Variants in TBC1D32 observed in about 807,000 individuals in gnomAD.
The protein encoded by TBC1D32 is protein broad-minded.
A neutral mutation model predicts 170.3 loss-of-function variants in TBC1D32; 151 were observed. The observed-to-expected ratio is 0.89, with a 90% CI of 0.78 to 1.01. The LOEUF (loss-of-function observed/expected upper bound fraction) is 1.01. Among genes scored for constraint, TBC1D32 ranks in the 50% least tolerant of loss-of-function variants. The pLI, the probability that TBC1D32 is intolerant of heterozygous loss-of-function variation, is 0.00. For missense variants in TBC1D32, 1,464 were observed against 1,457.1 expected (o/e 1.00, Z -0.08); for synonymous variants, 498 against 488.0 (o/e 1.02, Z -0.27).
intron 20 of TBC1D32, among the ~76,000 whole-genome samples, chr6:121,226,343 ATG>A (rs1259841645): frequency 2.8e-4 from 43 of 152,262 alleles, no homozygotes; most frequent in Admixed American, 1.8e-3. Flanking sequence ...CTCTTCAGCA[ATG>A]TAGGGAGAGG....
At chr6:121,180,941 T>A (rs1562796224) in intron 22 of TBC1D32, among the ~76,000 whole-genome samples, 1 of 151,900 alleles carries the variant, frequency 6.6e-6, no homozygotes, top group South Asian at 2.1e-4. Flanking sequence ...TATAAACAGG[T>A]ATTTCTCAAA....
At chr6:121,115,111 A>G (rs577988088) in intron 27 of TBC1D32, 61 bp downstream of exon 27, 2 of 1,316,496 alleles carry the variant, frequency 1.5e-6, no homozygotes, top group African/African-American at 1.5e-5. Flanking sequence ...TACTGAGCAC[A>G]TATGAGGCAG....
intron 17 of TBC1D32, among the ~76,000 whole-genome samples, chr6:121,247,695 C>CAAAAAAAAAAAAAAAAAAAAAAAAAA (rs34914027): frequency 8.6e-5 from 4 of 46,570 alleles, no homozygotes; most frequent in East Asian, 1.5e-3. Context: ...GGCTTTAAAG[C>CAAAAAAAAAAAAAAAAAAAAAAAAAA]AAAAAAAAAA....
intron 4 of TBC1D32, 116 bp downstream of exon 4, chr6:121,310,663 C>T (rs1277937209): frequency 1.4e-6 from 1 of 699,454 alleles, no homozygotes; most frequent in Non-Finnish European, 2.5e-6. Context: ...CCAGGATTGC[C>T]CATAATCATA....
chr6:121,191,778 A>G (rs1790077670), intron 22 of TBC1D32, among the ~76,000 whole-genome samples: 1 of 152,192 alleles, frequency 6.6e-6, no homozygotes, highest in African/African-American at 2.4e-5. Flanking sequence ...GATGGAGATG[A>G]ACATTTGAGT....
At chr6:121,085,196 T>TACATATATATAC (rs201256572) in intron 31 of TBC1D32, among the ~76,000 whole-genome samples, 14 of 148,248 alleles carry the variant, frequency 9.4e-5, no homozygotes, top group African/African-American at 3.2e-4. Flanking sequence ...TGTTGTGTCT[T>TACATATATATAC]ACATATATAT....
intron 22 of TBC1D32, among the ~76,000 whole-genome samples, chr6:121,196,044 T>C (rs1308147643): frequency 6.6e-6 from 1 of 152,188 alleles, no homozygotes; most frequent in African/African-American, 2.4e-5. Context: ...TGGATGGACC[T>C]CTTTGAGTGG....
chr6:121,080,628 C>T lies in TBC1D32; in HGVS notation c.*143G>A. 1.8e-6 allele frequency: 2 copies of T among 1,094,102 alleles called. No individual in the cohort carries two copies. The highest frequency in any genetic ancestry group is 4.1e-5 in the South Asian group (2 of 48,698). 67.8% of individuals were successfully genotyped at this position (1,094,102 alleles called of 1,614,324 possible). A position where few individuals can be genotyped will look rare whatever the true frequency, so the allele number is the denominator to read the frequency against. Reference sequence around the variant, plus strand: ...AATTCACAAATTGAGCTCATACCTACTTAAATATATCGTTATACTTCTCAG... The same window carrying T: ...AATTCACAAATTGAGCTCATACCTATTTAAATATATCGTTATACTTCTCAG... On this transcript the variant is annotated 3_prime_UTR_variant, in exon 32 of 32. Coordinates refer to ENST00000398212, the MANE Select transcript of TBC1D32 (RefSeq NM_152730.6).
intron 22 of TBC1D32, chr6:121,162,892 G>A (rs1410154881): frequency 2.7e-5 from 3 of 109,784 alleles, no homozygotes; most frequent in African/African-American, 6.0e-5. Context: ...GAAGCAGGGC[G>A]AGGCATTGCC....
At chr6:121,268,749 A>G (rs1167516036) in intron 15 of TBC1D32, among the ~76,000 whole-genome samples, 1 of 152,164 alleles carries the variant, frequency 6.6e-6, no homozygotes, top group African/African-American at 2.4e-5. Flanking sequence ...CAAATTCAGG[A>G]AGTACAGAGA....
intron 22 of TBC1D32, among the ~76,000 whole-genome samples, chr6:121,198,530 T>C (rs1004293015): frequency 9.3e-5 from 14 of 150,476 alleles, no homozygotes; most frequent in African/African-American, 3.2e-4. Context: ...GATGGATGGA[T>C]CACGAGCTCA....
chr6:121,331,136 C>G (rs4584021), intron 1 of TBC1D32, among the ~76,000 whole-genome samples: 134,320 of 152,258 alleles, frequency 0.88, 60,338 homozygotes, highest in South Asian at 0.98. Flanking sequence ...GTCTTAAAAA[C>G]CATCTTCTTA....
intron 30 of TBC1D32, among the ~76,000 whole-genome samples, chr6:121,102,815 A>G (rs1210635283): frequency 1.3e-5 from 2 of 152,108 alleles, no homozygotes; most frequent in Middle Eastern, 3.4e-3. Flanking sequence ...CTACAGAATG[A>G]GAGAAAATTT....
intron 24 of TBC1D32, among the ~76,000 whole-genome samples, chr6:121,151,508 C>G (rs1784203605): frequency 6.6e-6 from 1 of 152,148 alleles, no homozygotes; most frequent in South Asian, 2.1e-4. Context: ...CTGTAGATGT[C>G]TATTAGATCT....
chr6:121,120,237 T>C (rs1780117211), intron 26 of TBC1D32, among the ~76,000 whole-genome samples: 1 of 152,074 alleles, frequency 6.6e-6, no homozygotes, highest in Non-Finnish European at 1.5e-5. Context: ...AAATCCGCAT[T>C]CAGGGTTTAT....
In TBC1D32 at chr6:121,308,096, T is replaced by C. The variant is rs571743350; in HGVS notation, c.570A>G (p.Arg190=). Reference sequence around the variant, plus strand: ...AACATAATGTTTGCAAGGCTTCATATCTCACCTACAATTTTTTTAAAAGAC... The same window carrying C: ...AACATAATGTTTGCAAGGCTTCATACCTCACCTACAATTTTTTTAAAAGAC... ...QLDPGQPKEV[R]YEALQTLCSA... is the part of the protein sequence containing the mutation. Residue 190 remains arginine, a synonymous_variant, in exon 5 of 32, where the codon AGA becomes AGG. Transcript: ENST00000398212. 48 of 1,609,590 alleles carry C rather than the reference T, an allele frequency of 3.0e-5. No homozygotes were observed. Among genetic ancestry groups the C allele is most frequent in the Admixed American group, 1.2e-4 (7 of 58,776 alleles).
intron 24 of TBC1D32, among the ~76,000 whole-genome samples, chr6:121,139,085 G>A (rs1303603953): frequency 2.0e-5 from 3 of 151,884 alleles, no homozygotes; most frequent in Non-Finnish European, 4.4e-5. Flanking sequence ...TGACCTTGTG[G>A]TCCGCCCGCC....
intron 22 of TBC1D32, among the ~76,000 whole-genome samples, chr6:121,203,561 C>G (rs1791870158): frequency 6.6e-6 from 1 of 151,370 alleles, no homozygotes; most frequent in South Asian, 2.1e-4. Context: ...ATTAATACTA[C>G]TGTTTTTACA....
rs1376543603 is a variant in TBC1D32, at chr6:121,080,741, A to C, written c.*30T>G. 2.5e-6 allele frequency: 4 copies of C among 1,590,262 alleles called. No individual in the cohort carries two copies. Among genetic ancestry groups the C allele is most frequent in the Non-Finnish European group, 3.4e-6 (4 of 1,171,004 alleles). On this transcript the variant is annotated 3_prime_UTR_variant, in exon 32 of 32. Transcript: ENST00000398212. ...CCCTGCTGTGTTTAAAAATAAATAA[A>C]ACCTAAATTTAAACCGTGTGTCTCA...
Sources: gnomAD v4.1 joint callset for allele counts (sites outside exome capture counted in the v4.1 genomes callset) on GRCh38, gnomAD v4.1.1 for gene constraint, MANE v1.5 for transcripts, NCBI Gene and HGNC (gene_info 2026-07-23, HGNC 2026-07-21) for gene names.